The following MPPED2 variants were observed in gnomAD, a reference collection of about 807,000 sequenced individuals.
MPPED2 encodes the protein metallophosphoesterase MPPED2.
In MPPED2, 5 loss-of-function variants were observed where a neutral mutation model predicts 33.0. That is an observed-to-expected ratio of 0.15 (90% CI 0.08 to 0.32). The LOEUF (loss-of-function observed/expected upper bound fraction) is 0.32. Among genes scored for constraint, MPPED2 ranks in the 10% least tolerant of loss-of-function variants. MPPED2 has a pLI of 1.00. For missense variants in MPPED2, 275 were observed against 372.1 expected (o/e 0.74, Z 2.15); for synonymous variants, 136 against 141.9 (o/e 0.96, Z 0.29).
At chr11:30,578,774 C>A in intron 2 of MPPED2, among the ~76,000 whole-genome samples, 1 of 151,988 alleles carries the variant, frequency 6.6e-6, no homozygotes, top group Non-Finnish European at 1.5e-5. Flanking sequence ...AATATTGTAA[C>A]ATATTTGAAG....
chr11:30,468,378 A>G (rs1307818440), intron 4 of MPPED2, among the ~76,000 whole-genome samples: 1 of 152,130 alleles, frequency 6.6e-6, no homozygotes, highest in Admixed American at 6.6e-5. Flanking sequence ...GGCATAGCCT[A>G]CCACTGTATG....
At chr11:30,537,997 C>T (rs1954902706) in intron 2 of MPPED2, among the ~76,000 whole-genome samples, 1 of 151,918 alleles carries the variant, frequency 6.6e-6, no homozygotes, top group South Asian at 2.1e-4. Flanking sequence ...AGTAGTTTTC[C>T]CAGAGAATGA....
In MPPED2 at chr11:30,502,585, TGAGGTCCCAGA is replaced by T. The variant is rs1279669456; in HGVS notation, c.311-7075_311-7065del. ...CAGTGAAGAGAAGGCCAACTTTATG[TGAGGTCCCAGA>T]ATCTAAAAACTTGTTGCTACAATTA... is the stretch of plus-strand genomic sequence containing the variant. On this transcript the variant is annotated intron_variant, in intron 3 of 6. Transcript: ENST00000358117. 1.3e-3 allele frequency among the ~76,000 whole-genome samples: 198 copies of T among 152,306 alleles called. No homozygotes were observed. In the Middle Eastern group the frequency reaches 0.017, roughly 13 times the overall value.
In MPPED2 at chr11:30,411,260, C is replaced by A; in HGVS notation, c.*208G>T. On this transcript the variant is annotated 3_prime_UTR_variant, in exon 7 of 7. Transcript: ENST00000358117. ...CTTTGAGAAAACAGAAGTCATTTTA[C>A]AAATTCACAATGTTCCTCTGATTTC... 1 of 1,198,440 alleles carries A rather than the reference C, an allele frequency of 8.3e-7. No homozygotes were observed. The highest frequency in any genetic ancestry group is 4.1e-5 in the Admixed American group (1 of 24,528). 74.2% of individuals were successfully genotyped at this position (1,198,440 alleles called of 1,614,324 possible). A position where few individuals can be genotyped will look rare whatever the true frequency, so the allele number is the denominator to read the frequency against.
chr11:30,407,681 G>A (rs1948011114), downstream of MPPED2, among the ~76,000 whole-genome samples: 1 of 152,104 alleles, frequency 6.6e-6, no homozygotes. Flanking sequence ...AGACTGTCCT[G>A]GGCAACATGG....
chr11:30,459,070 C>G (rs1438448988), intron 4 of MPPED2, among the ~76,000 whole-genome samples: 1 of 150,214 alleles, frequency 6.7e-6, no homozygotes, highest in Non-Finnish European at 1.5e-5. Flanking sequence ...GGACTACAGG[C>G]GCCCGCCACT....
chr11:30,480,357 A>G (rs892238198), intron 4 of MPPED2, among the ~76,000 whole-genome samples: 1 of 152,084 alleles, frequency 6.6e-6, no homozygotes, highest in Non-Finnish European at 1.5e-5. Flanking sequence ...TTTTTTAAAT[A>G]TTAATGACAG....
chr11:30,581,483 C>T (rs771540283), intron 1 of MPPED2, among the ~76,000 whole-genome samples: 5 of 152,100 alleles, frequency 3.3e-5, no homozygotes, highest in Non-Finnish European at 5.9e-5. Flanking sequence ...GAGAAGAAGC[C>T]GTAGTACACT....
At chr11:30,449,399 C>A (rs1949953085) in intron 4 of MPPED2, among the ~76,000 whole-genome samples, 1 of 152,142 alleles carries the variant, frequency 6.6e-6, no homozygotes, top group South Asian at 2.1e-4. Context: ...GGAATCCCAG[C>A]CCTTTGGGAG....
chr11:30,579,002 C>CTTT (rs57264756), intron 2 of MPPED2, among the ~76,000 whole-genome samples: 2 of 141,066 alleles, frequency 1.4e-5, no homozygotes, highest in Non-Finnish European at 3.1e-5. Context: ...TTGTCTTTTC[C>CTTT]TTTTTTTTTT....
At chr11:30,522,005 C>T (rs989377537) in intron 3 of MPPED2, among the ~76,000 whole-genome samples, 1 of 152,156 alleles carries the variant, frequency 6.6e-6, no homozygotes, top group Non-Finnish European at 1.5e-5. Flanking sequence ...CAGCAATTCT[C>T]ATGATTATTA....
At position 30,525,219 on chromosome 11, in the gene MPPED2, C is replaced by T. The variant is rs148337225; in HGVS notation, c.310+10775G>A. ...GACTTTGCTTCTGCATTCTCAGTGC[C>T]TCCCACAAAGCAGTAACCTGGCCCT... On this transcript the variant is annotated intron_variant, in intron 3 of 6. Coordinates refer to ENST00000358117, the MANE Select transcript of MPPED2 (RefSeq NM_001584.3). Among the ~76,000 whole-genome samples, 3 of 152,278 alleles carry T rather than the reference C, an allele frequency of 2.0e-5. No individual in the cohort carries two copies. In the East Asian group the frequency reaches 5.8e-4, roughly 29 times the overall value.
At chr11:30,451,936 A>T in intron 4 of MPPED2, 5 of 985,392 alleles carry the variant, frequency 5.1e-6, no homozygotes, top group Non-Finnish European at 6.0e-6. Flanking sequence ...TTAAATTGAG[A>T]ATGGAATCAC....
intron 4 of MPPED2, among the ~76,000 whole-genome samples, chr11:30,460,198 T>C (rs1182088362): frequency 2.6e-5 from 4 of 152,262 alleles, no homozygotes; most frequent in African/African-American, 9.6e-5. Flanking sequence ...GCTTTTCTTC[T>C]GCATTTTGCC....
chr11:30,493,197 C>T (rs1477502598), intron 4 of MPPED2, among the ~76,000 whole-genome samples: 1 of 151,994 alleles, frequency 6.6e-6, no homozygotes, highest in African/African-American at 2.4e-5. Flanking sequence ...CGGTGAAACC[C>T]CGTCTCTACT....
intron 6 of MPPED2, among the ~76,000 whole-genome samples, chr11:30,402,673 T>A (rs1384662167): frequency 6.6e-6 from 1 of 152,202 alleles, no homozygotes; most frequent in African/African-American, 2.4e-5. Flanking sequence ...ATTCCCATTC[T>A]CCCACCCCCA....
At chr11:30,447,217 GGCT>G (rs906835866) in intron 4 of MPPED2, among the ~76,000 whole-genome samples, 1 of 152,154 alleles carries the variant, frequency 6.6e-6, no homozygotes, top group East Asian at 1.9e-4. Flanking sequence ...AGCCATCCTA[GGCT>G]GCTGCTGCTG....
intron 4 of MPPED2, among the ~76,000 whole-genome samples, chr11:30,433,438 G>A (rs888311024): frequency 2.6e-5 from 4 of 152,146 alleles, no homozygotes; most frequent in Non-Finnish European, 5.9e-5. Context: ...ATTACACACA[G>A]CATCTCTTTG....
chr11:30,415,159 T>C (rs1948288269), intron 5 of MPPED2, among the ~76,000 whole-genome samples: 1 of 152,210 alleles, frequency 6.6e-6, no homozygotes, highest in African/African-American at 2.4e-5. Flanking sequence ...ATTTCTATTA[T>C]TTAGAAATAA....
Sources: allele counts gnomAD v4.1 joint callset (sites outside exome capture counted in the v4.1 genomes callset), GRCh38; gene constraint gnomAD v4.1.1; transcripts MANE v1.5; gene names NCBI Gene and HGNC (gene_info 2026-07-23, HGNC 2026-07-21).